SLC45A2: variants seen among roughly 807,000 people sequenced by gnomAD.
SLC45A2 encodes membrane-associated transporter protein.
In SLC45A2, 36 loss-of-function variants were observed where a neutral mutation model predicts 45.5. The ratio of observed to expected loss-of-function variants is 0.79; its 90% confidence interval spans 0.61 to 1.04. The LOEUF (loss-of-function observed/expected upper bound fraction) is 1.04. Ranked by LOEUF, SLC45A2 falls within the 50% of genes least tolerant of loss-of-function variation. The pLI, the probability that SLC45A2 is intolerant of heterozygous loss-of-function variation, is 0.00. For missense variants in SLC45A2, 719 were observed against 671.0 expected (o/e 1.07, Z -0.79); for synonymous variants, 306 against 269.3 (o/e 1.14, Z -1.33).
intron 3 of SLC45A2, among the ~76,000 whole-genome samples, chr5:33,961,457 T>G (rs1468280914): frequency 6.6e-6 from 1 of 152,200 alleles, no homozygotes; most frequent in African/African-American, 2.4e-5. Context: ...ATATGCTTCA[T>G]GCTTTAAAAA....
Position 33,963,710 on chromosome 5 carries a change from T to A in SLC45A2, c.869A>T (p.Asn290Ile), listed in dbSNP as rs753171308. The A allele has an allele frequency of 1.7e-5, 28 of 1,613,892 alleles. No homozygotes were observed. The South Asian group carries it at 2.2e-4, about 13-fold the overall frequency. The change falls in exon 3 of 7, where the codon AAC (asparagine) becomes ATC (isoleucine). Residue 290 changes from asparagine (N) to isoleucine (I), a missense_variant. Physicochemically the swap from Asn to Ile is moderately radical, Grantham distance 149 (BLOSUM62 -3). Transcript: ENST00000296589. ...NPELAMQGAK[N>I]KNHAEQTRRA... ...CTTTACCTGTTCAGCATGATTTTTGTTTTTTGCTCCCTGCATTGCCAGCTC... is the reference window on the plus strand; with the variant it reads ...CTTTACCTGTTCAGCATGATTTTTGATTTTTGCTCCCTGCATTGCCAGCTC...
At chr5:33,976,583 G>A (rs1023942085) in intron 2 of SLC45A2, among the ~76,000 whole-genome samples, 1 of 152,064 alleles carries the variant, frequency 6.6e-6, no homozygotes, top group Admixed American at 6.5e-5. Flanking sequence ...TGGGGTGGAG[G>A]TTGGAGGGGT....
At chr5:33,946,770 T>C in intron 6 of SLC45A2, 2 of 1,132,474 alleles carry the variant, frequency 1.8e-6, no homozygotes, top group Non-Finnish European at 2.2e-6. Context: ...ACCCTTATTG[T>C]CGGTATCTAG....
chr5:33,961,435 T>C (rs1752451941), intron 3 of SLC45A2, among the ~76,000 whole-genome samples: 1 of 152,192 alleles, frequency 6.6e-6, no homozygotes. Flanking sequence ...GTACCACTTA[T>C]ACTTTCTACA....
intron 1 of SLC45A2, among the ~76,000 whole-genome samples, chr5:33,982,747 C>G (rs1753116586): frequency 6.6e-6 from 1 of 152,112 alleles, no homozygotes; most frequent in East Asian, 1.9e-4. Flanking sequence ...GCACAACATA[C>G]TAAAGGCACT....
At chr5:33,954,580 A>G (rs1368284346) in intron 3 of SLC45A2, 76 bp from the exon 4 acceptor site, 1 of 1,590,494 alleles carries the variant, frequency 6.3e-7, no homozygotes, top group Non-Finnish European at 8.6e-7. Flanking sequence ...GAACACACAG[A>G]CATGTTATGT....
chr5:33,971,354 CTGTT>C, intron 2 of SLC45A2: 1 of 509,182 alleles, frequency 2.0e-6, no homozygotes, highest in Middle Eastern at 6.8e-4. Flanking sequence ...CTCCAAAAGG[CTGTT>C]TGTTATGTGG....
intron 3 of SLC45A2, among the ~76,000 whole-genome samples, chr5:33,960,392 G>A (rs1010114166): frequency 6.6e-6 from 1 of 151,922 alleles, no homozygotes; most frequent in African/African-American, 2.4e-5. Flanking sequence ...CGTGTGTGCA[G>A]GTATCTTTTA....
intron 2 of SLC45A2, among the ~76,000 whole-genome samples, chr5:33,966,653 T>G (rs1033433934): frequency 6.6e-6 from 1 of 152,124 alleles, no homozygotes; most frequent in African/African-American, 2.4e-5. Context: ...AGCTGGGTAC[T>G]CAGAGTACAG....
intron 3 of SLC45A2, among the ~76,000 whole-genome samples, chr5:33,959,269 T>C (rs997618549): frequency 6.6e-6 from 1 of 152,222 alleles, no homozygotes; most frequent in African/African-American, 2.4e-5. Context: ...GATATATTTT[T>C]AGTAAACCTT....
chr5:33,970,832 A>C, intron 2 of SLC45A2: 1 of 313,604 alleles, frequency 3.2e-6, no homozygotes, highest in South Asian at 3.0e-5. Context: ...AGAGACAGAC[A>C]ATAAACAATA....
intron 2 of SLC45A2, among the ~76,000 whole-genome samples, chr5:33,973,756 C>T (rs1049177675): frequency 6.6e-6 from 1 of 150,902 alleles, no homozygotes; most frequent in Admixed American, 6.6e-5. Flanking sequence ...TGTTTGCAGG[C>T]GTAGTGAGGA....
At chr5:33,966,078 A>AGC (rs1662559632) in intron 2 of SLC45A2, among the ~76,000 whole-genome samples, 1 of 152,232 alleles carries the variant, frequency 6.6e-6, no homozygotes, top group African/African-American at 2.4e-5. Context: ...AAGAATATAG[A>AGC]GCAGAAGACC....
chr5:33,951,495 C>A (rs768187020), intron 5 of SLC45A2, 59 bp downstream of exon 5: 2 of 1,612,402 alleles, frequency 1.2e-6, no homozygotes, highest in Admixed American at 3.3e-5. Flanking sequence ...AATATCAAAT[C>A]CAAGTTGTGC....
chr5:33,961,192 C>T (rs868631321), intron 3 of SLC45A2, among the ~76,000 whole-genome samples: 1 of 152,144 alleles, frequency 6.6e-6, no homozygotes, highest in African/African-American at 2.4e-5. Context: ...CAAATAAACC[C>T]TCCTGGGTAC....
intron 3 of SLC45A2, among the ~76,000 whole-genome samples, chr5:33,956,690 CCA>C (rs1752287668): frequency 6.6e-6 from 1 of 152,076 alleles, no homozygotes; most frequent in Non-Finnish European, 1.5e-5. Context: ...GGCATCAATC[CCA>C]GAGTCCTGAT....
At chr5:33,953,972 C>T in intron 4 of SLC45A2, among the ~76,000 whole-genome samples, 1 of 138,244 alleles carries the variant, frequency 7.2e-6, no homozygotes, top group Non-Finnish European at 1.5e-5. Flanking sequence ...AAGGCCATTA[C>T]ATAATGGTAA....
At chr5:33,972,349 G>GA (rs1396173782) in intron 2 of SLC45A2, 9 of 377,314 alleles carry the variant, frequency 2.4e-5, no homozygotes, top group South Asian at 1.7e-4. Context: ...AGATTAGATA[G>GA]AAAAAAATAC....
rs139474066 is a variant in SLC45A2 at position 33,978,094 on chromosome 5, G to C, written c.562+4142C>G. Among the ~76,000 whole-genome samples the C allele has an allele frequency of 6.1e-4, 93 of 152,278 alleles. 1 individual carries two copies. Among genetic ancestry groups the C allele is most frequent in the African/African-American group, 2.1e-3 (89 of 41,548 alleles). On this transcript the variant is annotated intron_variant, in intron 2 of 6. Coordinates refer to ENST00000296589, the MANE Select transcript of SLC45A2 (RefSeq NM_016180.5). ...CCTTCTTGGCCAAGAGGATCCCAAA[G>C]AAACCTGAAAACCTAGTTCAGGCCA...
Sources: gnomAD v4.1 joint callset for allele counts (sites outside exome capture counted in the v4.1 genomes callset) on GRCh38, gnomAD v4.1.1 for gene constraint, MANE v1.5 for transcripts, NCBI Gene and HGNC (gene_info 2026-07-23, HGNC 2026-07-21) for gene names.